Variants in PIGN observed in about 807,000 individuals in gnomAD.
PIGN encodes phosphatidylinositol glycan anchor biosynthesis class N.
Under a neutral mutation model 125.4 loss-of-function variants are expected in PIGN, and 117 were observed. The ratio of observed to expected loss-of-function variants is 0.93; its 90% CI spans 0.80 to 1.09. PIGN has a LOEUF of 1.09. PIGN is among the 50% of genes least tolerant of loss of function. The probability of loss-of-function intolerance (pLI) is 0.00; values close to 1 mark genes in which losing one functional copy is unlikely to be tolerated. For synonymous variants in PIGN, 392 were observed against 377.8 expected, an observed-to-expected ratio of 1.04 and a Z score of -0.44; for missense variants, 1,075 against 1,094.9, an observed-to-expected ratio of 0.98 and a Z score of 0.26.
At chr18:62,068,771 C>T (rs746167401) in intron 30 of PIGN, among the ~76,000 whole-genome samples, 2 of 152,160 alleles carry the variant, frequency 1.3e-5, no homozygotes, top group Non-Finnish European at 2.9e-5. Flanking sequence ...GCCTTGTTTC[C>T]ACACTTCTTG....
rs144993525 is a variant in PIGN at position 62,155,364 on chromosome 18, C to G, written c.443-713G>C. On this transcript the variant is annotated intron_variant, in intron 6 of 30. Transcript: ENST00000640252. The stretch of plus-strand genomic sequence containing the variant: ...GGTGGATCACCGGAGGTCGGGAGAT[C>G]GAGACCCCCCTGGCCAACATGATGA... 2.6e-5 allele frequency among the ~76,000 whole-genome samples: 4 copies of G among 152,038 alleles called. No homozygotes were observed. The East Asian group carries it at 7.7e-4, about 29-fold the overall frequency.
chr18:62,049,424 G>A (rs1400021725), intron 30 of PIGN, among the ~76,000 whole-genome samples: 2 of 150,506 alleles, frequency 1.3e-5, no homozygotes, highest in Admixed American at 1.3e-4. Flanking sequence ...ATCTCATTGT[G>A]GTTTTGATTT....
chr18:62,141,065 C>T (rs2147182356), intron 11 of PIGN, among the ~76,000 whole-genome samples: 1 of 152,292 alleles, frequency 6.6e-6, no homozygotes, highest in African/African-American at 2.4e-5. Flanking sequence ...CTGTGACTCA[C>T]TATGACCCTT....
chr18:62,020,732 G>A (rs927111708), intron 23 of PIGN, among the ~76,000 whole-genome samples: 7 of 151,492 alleles, frequency 4.6e-5, no homozygotes, highest in South Asian at 2.1e-4. Context: ...GGCAGATCAC[G>A]AGGTCAGGAG....
intron 23 of PIGN, among the ~76,000 whole-genome samples, chr18:62,034,689 C>T (rs2030234995): frequency 6.6e-6 from 1 of 152,196 alleles, no homozygotes. Flanking sequence ...TTTTGGCCAA[C>T]TTCTCCCATT....
At chr18:62,103,159 A>G (rs1218995769) in intron 20 of PIGN, among the ~76,000 whole-genome samples, 1 of 152,184 alleles carries the variant, frequency 6.6e-6, no homozygotes, top group Non-Finnish European at 1.5e-5. Flanking sequence ...TTTTCTAAGT[A>G]TCTCTACCTT....
intron 25 of PIGN, chr18:62,088,256 T>G (rs1045638181): frequency 1.3e-5 from 2 of 152,226 alleles, no homozygotes; most frequent in African/African-American, 4.8e-5. Flanking sequence ...AACTAAGACT[T>G]TCCTCTGCCA....
chr18:62,168,775 T>C (rs4941116), intron 1 of PIGN, among the ~76,000 whole-genome samples: 88,367 of 151,686 alleles, frequency 0.58, 26,533 homozygotes, highest in East Asian at 0.78. Flanking sequence ...ACAGTCATAA[T>C]GAACAAACCC....
intron 14 of PIGN, among the ~76,000 whole-genome samples, chr18:62,120,420 C>T (rs1242555494): frequency 6.6e-6 from 1 of 151,912 alleles, no homozygotes; most frequent in Non-Finnish European, 1.5e-5. Flanking sequence ...CTGGCAAATA[C>T]CCTTGAAAAG....
chr18:62,051,853 C>T (rs1305326894), intron 30 of PIGN: 1 of 152,048 alleles, frequency 6.6e-6, no homozygotes, highest in Non-Finnish European at 1.5e-5. Context: ...CTATAAATTT[C>T]CCTCTACACA....
chr18:62,170,114 C>T (rs529599574), intron 1 of PIGN, among the ~76,000 whole-genome samples: 1 of 152,258 alleles, frequency 6.6e-6, no homozygotes, highest in Admixed American at 6.5e-5. Flanking sequence ...TATAATTTCC[C>T]TAATGACTAA....
rs369562409 is a variant in PIGN at position 62,181,825 on chromosome 18, C to T, written c.-236+5019G>A. The stretch of plus-strand genomic sequence containing the variant: ...CACTGCAACCTCCACCTCCCGGGTT[C>T]AAGCAATTCTCCTGCCTCAGCCTCC... On this transcript the variant is annotated intron_variant, in intron 1 of 30. Coordinates refer to ENST00000640252, the MANE Select transcript of PIGN (RefSeq NM_176787.5). Among the ~76,000 whole-genome samples the T allele has an allele frequency of 2.0e-5, 3 of 152,132 alleles. No individual in the cohort carries two copies. In the South Asian group the frequency reaches 6.2e-4, roughly 32 times the overall value.
chr18:62,022,023 G>T (rs2030059686), intron 23 of PIGN, among the ~76,000 whole-genome samples: 1 of 152,088 alleles, frequency 6.6e-6, no homozygotes, highest in Non-Finnish European at 1.5e-5. Context: ...CTTAGTCCTT[G>T]AGGCTGCCGT....
chr18:62,165,070 C>G (rs191141776), intron 1 of PIGN, among the ~76,000 whole-genome samples: 1 of 152,244 alleles, frequency 6.6e-6, no homozygotes, highest in East Asian at 1.9e-4. Flanking sequence ...CGGTTGGATC[C>G]CACATGAATG....
chr18:62,050,023 T>C (rs1366848293), intron 30 of PIGN, among the ~76,000 whole-genome samples: 3 of 152,090 alleles, frequency 2.0e-5, no homozygotes, highest in Middle Eastern at 6.8e-3. Context: ...TATGTGGTGT[T>C]ATTTCTGAGG....
intron 25 of PIGN, among the ~76,000 whole-genome samples, chr18:62,088,034 G>A (rs2033787554): frequency 6.6e-6 from 1 of 152,116 alleles, no homozygotes; most frequent in Non-Finnish European, 1.5e-5. Context: ...AAAACAGAAA[G>A]AAAGAAAAAG....
chr18:62,035,027 G>A (rs1331707423), intron 23 of PIGN, among the ~76,000 whole-genome samples: 3 of 152,112 alleles, frequency 2.0e-5, no homozygotes, highest in Non-Finnish European at 4.4e-5. Context: ...TAAACCATGG[G>A]GGTGGGTTTC....
At chr18:62,067,087 T>C (rs2032562266) in intron 30 of PIGN, among the ~76,000 whole-genome samples, 1 of 152,100 alleles carries the variant, frequency 6.6e-6, no homozygotes, top group Non-Finnish European at 1.5e-5. Flanking sequence ...GAAAGATTTA[T>C]AATGAAAAGC....
intron 10 of PIGN, among the ~76,000 whole-genome samples, chr18:62,144,511 G>A (rs1195457381): frequency 6.6e-6 from 1 of 152,144 alleles, no homozygotes; most frequent in African/African-American, 2.4e-5. Flanking sequence ...TTCCAATTCT[G>A]TTCCTCAAAC....
Sources: gnomAD v4.1 joint callset for allele counts (sites outside exome capture counted in the v4.1 genomes callset) on GRCh38, gnomAD v4.1.1 for gene constraint, MANE v1.5 for transcripts, NCBI Gene and HGNC (gene_info 2026-07-23, HGNC 2026-07-21) for gene names.